The following PFKM variants were observed in gnomAD, a reference collection of about 807,000 sequenced individuals.
PFKM encodes the protein phosphofructokinase, muscle, also known as ATP-dependent 6-phosphofructokinase, muscle type.
A neutral mutation model predicts 95.5 loss-of-function variants in PFKM; 58 were observed. That is an observed-to-expected ratio of 0.61 (90% CI 0.49 to 0.76). The LOEUF (loss-of-function observed/expected upper bound fraction) is 0.76, where lower values mean the gene tolerates loss of function less well. Among genes scored for constraint, PFKM ranks in the 30% least tolerant of loss-of-function variants. The pLI is 0.00. For synonymous variants in PFKM, 336 were observed against 357.2 expected (o/e 0.94, Z 0.67); for missense variants, 678 against 1,005.4 (o/e 0.67, Z 4.40).
At chr12:48,138,494 T>C (rs984700746) in intron 11 of PFKM, among the ~76,000 whole-genome samples, 12 of 152,156 alleles carry the variant, frequency 7.9e-5, no homozygotes, top group African/African-American at 2.9e-4. Flanking sequence ...CCGGCCTCCT[T>C]CTCTCTGAGA....
At chr12:48,135,508 T>C in intron 10 of PFKM, 125 bp downstream of exon 10, 7 of 683,256 alleles carry the variant, frequency 1.0e-5, no homozygotes, top group Non-Finnish European at 1.5e-5. Flanking sequence ...TCCACCAGCC[T>C]TTGGGCTGCA....
rs121918193 is a variant in PFKM, at chr12:48,130,393, G to A, written c.116G>A (p.Arg39Gln). Reference protein sequence around the residue: ...GMNAAVRAVVRVGIFTGARVF... With the variant: ...GMNAAVRAVVQVGIFTGARVF... ...AATGCTGCTGTCAGGGCTGTGGTTCGAGTTGGTATCTTCACCGGTGCCCGT... is the reference window on the plus strand; with the variant it reads ...AATGCTGCTGTCAGGGCTGTGGTTCAAGTTGGTATCTTCACCGGTGCCCGT... Residue 39 changes from arginine (R) to glutamine (Q), a missense_variant, in exon 3 of 23, where the codon CGA becomes CAA. Arg to Gln is a conservative substitution (Grantham distance 43). Coordinates refer to ENST00000359794, the MANE Select transcript of PFKM (RefSeq NM_000289.6). 28 of 1,613,872 alleles carry A rather than the reference G, an allele frequency of 1.7e-5. No individual in the cohort carries two copies. Among genetic ancestry groups the A allele is most frequent in the Admixed American group, 1.7e-5 (1 of 60,014 alleles).
chr12:48,142,816 C>G lies in PFKM; in HGVS notation c.1688C>G (p.Thr563Ser). The G allele has an allele frequency of 1.2e-6, 2 of 1,614,158 alleles. No homozygotes were observed. Among genetic ancestry groups the G allele is most frequent in the Non-Finnish European group, 1.7e-6 (2 of 1,180,012 alleles). ...CGCATCAAGCAGTCAGCAGCTGGCA[C>G]CAAGCGTCGGGTGTTTATCATTGAG... is the stretch of plus-strand genomic sequence containing the variant. ...CDRIKQSAAG[T>S]KRRVFIIETM... Residue 563 changes from threonine to serine, a missense_variant, in exon 18 of 23, where the codon ACC becomes AGC. Thr to Ser is a moderately conservative substitution (Grantham distance 58). Transcript: ENST00000359794.
intron 2 of PFKM, among the ~76,000 whole-genome samples, chr12:48,107,694 G>C (rs1317135480): frequency 6.6e-6 from 1 of 152,144 alleles, no homozygotes; most frequent in Non-Finnish European, 1.5e-5. Flanking sequence ...GAGAGTTGAG[G>C]GGGGAACAAA....
intron 10 of PFKM, among the ~76,000 whole-genome samples, chr12:48,135,981 C>G (rs1204674099): frequency 6.6e-6 from 1 of 151,974 alleles, no homozygotes; most frequent in Non-Finnish European, 1.5e-5. Context: ...CTCTGCCTCC[C>G]GGGTTCACAC....
chr12:48,142,621 A>G (rs1308832296), intron 17 of PFKM, among the ~76,000 whole-genome samples, 161 bp from the exon 18 acceptor site: 1 of 152,106 alleles, frequency 6.6e-6, no homozygotes, highest in Non-Finnish European at 1.5e-5. Flanking sequence ...AGGTTGGCAA[A>G]TATGCCTGTT....
intron 3 of PFKM, among the ~76,000 whole-genome samples, chr12:48,114,209 A>C (rs905747705): frequency 1.3e-5 from 2 of 152,214 alleles, no homozygotes; most frequent in Non-Finnish European, 2.9e-5. Context: ...AGAGGGTAGA[A>C]GTTAGGATGA....
At chr12:48,139,195 G>T in intron 11 of PFKM, 90 bp from the exon 12 acceptor site, 1 of 980,132 alleles carries the variant, frequency 1.0e-6, no homozygotes. Context: ...CACAATCCCA[G>T]AGATGGGCAG....
At chr12:48,143,678 T>G in intron 18 of PFKM, 75 bp from the exon 19 acceptor site, 1 of 989,190 alleles carries the variant, frequency 1.0e-6, no homozygotes, top group Non-Finnish European at 1.6e-6. Context: ...CCTGGAGAGG[T>G]GTGGTGTGGA....
chr12:48,105,858 G>A (rs950944034), upstream of PFKM: 10 of 603,496 alleles, frequency 1.7e-5, no homozygotes, highest in South Asian at 9.8e-5. Flanking sequence ...CGGACAGCAG[G>A]GGGGAGGGGA....
chr12:48,120,544 A>G (rs776240958), intron 1 of PFKM, among the ~76,000 whole-genome samples: 7 of 152,226 alleles, frequency 4.6e-5, no homozygotes, highest in Non-Finnish European at 8.8e-5. Flanking sequence ...CTTCGTCTGT[A>G]AAAGACCAGA....
At chr12:48,137,913 G>T in intron 11 of PFKM, 67 bp downstream of exon 11, 3 of 1,560,850 alleles carry the variant, frequency 1.9e-6, no homozygotes, top group South Asian at 1.1e-5. Flanking sequence ...CAAGGGGCAT[G>T]AGACTATGTC....
chr12:48,144,137 G>A lies in PFKM; in HGVS notation c.1972G>A (p.Val658Met). 1 of 1,611,850 alleles carries A rather than the reference G, an allele frequency of 6.2e-7. No homozygotes were observed. Among genetic ancestry groups the A allele is most frequent in the Non-Finnish European group, 8.5e-7 (1 of 1,178,046 alleles). ...GKGIFDSRKN[V>M]LGHMQQGGSP... ...GGGCATCTTCGACAGCAGGAAGAATGTGCTTGGTCACATGCAGCAGGTAGG... is the reference window on the plus strand; with the variant it reads ...GGGCATCTTCGACAGCAGGAAGAATATGCTTGGTCACATGCAGCAGGTAGG... The change falls in exon 20 of 23, where the codon GTG becomes ATG. Residue 658 changes from valine to methionine, a missense_variant. By Grantham distance (21) the Val-to-Met change is conservative. Transcript: ENST00000359794.
chr12:48,122,933 G>A, intron 2 of PFKM, 74 bp downstream of exon 2: 1 of 1,417,616 alleles, frequency 7.1e-7, no homozygotes, highest in Non-Finnish European at 9.9e-7. Flanking sequence ...CTATACAATA[G>A]AATTATTCTT....
At chr12:48,143,895 C>G in intron 19 of PFKM, 81 bp downstream of exon 19, 1 of 1,179,420 alleles carries the variant, frequency 8.5e-7, no homozygotes, top group Non-Finnish European at 1.3e-6. Context: ...ATTGTTGGGA[C>G]ACCCTGAGGA....
At chr12:48,118,458 T>G (rs553018633), upstream of PFKM, 1 of 1,207,556 alleles carries the variant, frequency 8.3e-7, no homozygotes, top group African/African-American at 1.5e-5. Context: ...TCCTAGTCAC[T>G]TGCATTTGTA....
chr12:48,111,496 G>A (rs1357273250), intron 3 of PFKM, among the ~76,000 whole-genome samples: 1 of 152,248 alleles, frequency 6.6e-6, no homozygotes, highest in Non-Finnish European at 1.5e-5. Flanking sequence ...TATAAATATT[G>A]ATGCGTAGTC....
intron 19 of PFKM, 97 bp from the exon 20 acceptor site, chr12:48,143,949 C>T: frequency 8.9e-7 from 1 of 1,127,176 alleles, no homozygotes; most frequent in East Asian, 2.3e-5. Context: ...CCCTTGAATC[C>T]TTGGAGGAGA....
chr12:48,133,137 G>A (rs1387248085), intron 5 of PFKM, 80 bp downstream of exon 5: 1 of 1,421,282 alleles, frequency 7.0e-7, no homozygotes, highest in Non-Finnish European at 1.0e-6. Flanking sequence ...CCCCCGCCCT[G>A]CTTTTACCTC....
Sources: gnomAD v4.1 joint callset for allele counts (sites outside exome capture counted in the v4.1 genomes callset) on GRCh38, gnomAD v4.1.1 for gene constraint, MANE v1.5 for transcripts, NCBI Gene and HGNC (gene_info 2026-07-23, HGNC 2026-07-21) for gene names.